FRMD5: variants seen among roughly 807,000 people sequenced by gnomAD.
The protein encoded by FRMD5 is FERM domain-containing protein 5.
A neutral mutation model predicts 69.0 loss-of-function variants in FRMD5; 20 were observed. The ratio of observed to expected loss-of-function variants is 0.29; its 90% CI spans 0.20 to 0.42. The LOEUF (loss-of-function observed/expected upper bound fraction) is 0.42, where lower values mean the gene tolerates loss of function less well. Ranked by LOEUF, FRMD5 falls within the 10% of genes least tolerant of loss-of-function variation. The pLI is 1.00. For missense variants in FRMD5, 595 were observed against 708.6 expected (o/e 0.84, Z 1.82); for synonymous variants, 271 against 260.1 (o/e 1.04, Z -0.40).
intron 1 of FRMD5, among the ~76,000 whole-genome samples, chr15:44,051,060 T>G (rs1892640872): frequency 6.6e-6 from 1 of 151,600 alleles, no homozygotes; most frequent in Admixed American, 6.6e-5. Context: ...ATTGACTATT[T>G]CTCACTGGTC....
At chr15:43,968,776 T>G (rs1466960219) in intron 1 of FRMD5, among the ~76,000 whole-genome samples, 6 of 152,244 alleles carry the variant, frequency 3.9e-5, no homozygotes. Context: ...TTTCCTTCAT[T>G]GCAAAATGAC....
At chr15:44,074,623 G>T (rs1893682456) in intron 1 of FRMD5, among the ~76,000 whole-genome samples, 1 of 151,794 alleles carries the variant, frequency 6.6e-6, no homozygotes, top group Non-Finnish European at 1.5e-5. Context: ...TGATTCTCCT[G>T]CCTATTCTTC....
At chr15:43,876,075 T>G in intron 13 of FRMD5, 1 of 1,315,904 alleles carries the variant, frequency 7.6e-7, no homozygotes, top group Non-Finnish European at 1.1e-6. Flanking sequence ...AGACTTTAAC[T>G]TTTCCATGGC....
intron 1 of FRMD5, among the ~76,000 whole-genome samples, chr15:44,169,996 C>T (rs2077772982): frequency 6.6e-6 from 1 of 152,146 alleles, no homozygotes; most frequent in African/African-American, 2.4e-5. Context: ...ATAGTATCAA[C>T]ATATAAATTG....
chr15:44,193,109 G>GA (rs139905861), intron 1 of FRMD5, among the ~76,000 whole-genome samples: 2 of 151,958 alleles, frequency 1.3e-5, no homozygotes, highest in South Asian at 2.1e-4. Flanking sequence ...CACTAACTGG[G>GA]AAAAAAATAA....
rs137859688 is a variant in FRMD5 at position 44,119,713 on chromosome 15, T to C, written c.102+75240A>G. The stretch of plus-strand genomic sequence containing the variant: ...GCACATGATAGAAAAGCTGAAATCA[T>C]AGAGACTGTCTACTTCTTTTTTTTT... On this transcript the variant is annotated intron_variant, in intron 1 of 13. Coordinates refer to ENST00000417257, the MANE Select transcript of FRMD5 (RefSeq NM_032892.5). Among the ~76,000 whole-genome samples, 188 of 138,104 alleles carry C rather than the reference T, an allele frequency of 1.4e-3. 4 individuals are homozygous for C. The East Asian group carries it at 0.035, about 26-fold the overall frequency. 90.6% of individuals were successfully genotyped at this position (138,104 alleles called of 152,430 possible).
At chr15:44,055,433 T>C (rs1892832201) in intron 1 of FRMD5, among the ~76,000 whole-genome samples, 1 of 152,220 alleles carries the variant, frequency 6.6e-6, no homozygotes, top group Non-Finnish European at 1.5e-5. Context: ...TTTTATTAAA[T>C]GATTAGCACT....
At chr15:44,045,218 T>C (rs564390724) in intron 1 of FRMD5, among the ~76,000 whole-genome samples, 1 of 152,364 alleles carries the variant, frequency 6.6e-6, no homozygotes, top group South Asian at 2.1e-4. Flanking sequence ...ATTAGGTCAA[T>C]TTCAGTCTAT....
At chr15:44,064,794 T>G (rs966184068) in intron 1 of FRMD5, among the ~76,000 whole-genome samples, 1 of 152,174 alleles carries the variant, frequency 6.6e-6, no homozygotes, top group Non-Finnish European at 1.5e-5. Context: ...GTCCCAGAAT[T>G]TAAAGATCAC....
At chr15:43,947,283 T>C (rs1459269112) in intron 1 of FRMD5, among the ~76,000 whole-genome samples, 1 of 152,224 alleles carries the variant, frequency 6.6e-6, no homozygotes, top group Non-Finnish European at 1.5e-5. Flanking sequence ...AGCTAGGAAA[T>C]AGACTTCTTG....
intron 1 of FRMD5, among the ~76,000 whole-genome samples, chr15:44,003,612 C>T (rs796432172): frequency 8.7e-4 from 132 of 152,250 alleles, no homozygotes; most frequent in African/African-American, 3.0e-3. Flanking sequence ...TATTTATGCC[C>T]TTGGCTATGA....
At chr15:43,905,682 C>T in intron 6 of FRMD5, 146 bp downstream of exon 6, 1 of 997,384 alleles carries the variant, frequency 1.0e-6, no homozygotes, top group Non-Finnish European at 1.5e-6. Flanking sequence ...GTATCACTGA[C>T]AATGGTACAT....
chr15:43,912,012 G>A (rs1194245253), intron 4 of FRMD5, among the ~76,000 whole-genome samples: 2 of 152,182 alleles, frequency 1.3e-5, no homozygotes, highest in Non-Finnish European at 2.9e-5. Context: ...TCAAAGTGTA[G>A]CCCACATATC....
chr15:44,051,118 A>C (rs957110675), intron 1 of FRMD5, among the ~76,000 whole-genome samples: 2 of 121,650 alleles, frequency 1.6e-5, no homozygotes, highest in African/African-American at 6.3e-5. Flanking sequence ...TCACCTCCTA[A>C]TTACTGTATA....
intron 1 of FRMD5, among the ~76,000 whole-genome samples, chr15:44,037,024 A>C (rs765604571): frequency 2.0e-5 from 3 of 152,100 alleles, no homozygotes; most frequent in Non-Finnish European, 2.9e-5. Context: ...TCTGGGATAC[A>C]TGTGCAGAAT....
chr15:43,928,182 G>T (rs1171590563), intron 1 of FRMD5, among the ~76,000 whole-genome samples: 1 of 152,180 alleles, frequency 6.6e-6, no homozygotes, highest in Non-Finnish European at 1.5e-5. Flanking sequence ...TGAAGACATA[G>T]TTCCCTCAAG....
At chr15:43,954,698 C>T (rs954633337) in intron 1 of FRMD5, among the ~76,000 whole-genome samples, 5 of 152,196 alleles carry the variant, frequency 3.3e-5, no homozygotes, top group Admixed American at 2.6e-4. Context: ...CTTCTCTTGG[C>T]CTGATGAAAT....
intron 1 of FRMD5, among the ~76,000 whole-genome samples, chr15:44,040,051 C>A (rs901028808): frequency 1.3e-5 from 2 of 151,554 alleles, no homozygotes; most frequent in Non-Finnish European, 2.9e-5. Flanking sequence ...ATAGCCGAAT[C>A]GATCAAGCAG....
chr15:44,037,147 C>T (rs1486924786), intron 1 of FRMD5, among the ~76,000 whole-genome samples: 3 of 152,132 alleles, frequency 2.0e-5, no homozygotes, highest in Non-Finnish European at 4.4e-5. Context: ...GCTCCCCCAA[C>T]CCCCGACAGG....
Sources: gnomAD v4.1 joint callset for allele counts (sites outside exome capture counted in the v4.1 genomes callset) on GRCh38, gnomAD v4.1.1 for gene constraint, MANE v1.5 for transcripts, NCBI Gene and HGNC (gene_info 2026-07-23, HGNC 2026-07-21) for gene names.